TBCK: variants seen among roughly 807,000 people sequenced by gnomAD.
The protein encoded by TBCK is TBC1 domain containing kinase, also known as TBC domain-containing protein kinase-like protein.
TBCK carries 99 observed loss-of-function variants against 113.4 expected under a neutral mutation model. That is an observed-to-expected ratio of 0.87 (90% CI 0.74 to 1.03). The LOEUF is 1.03. Among genes scored for constraint, TBCK ranks in the 50% least tolerant of loss-of-function variants. The pLI is 0.00. For synonymous variants in TBCK, 369 were observed against 370.8 expected (o/e 1.00, Z 0.05); for missense variants, 1,045 against 1,061.3 (o/e 0.98, Z 0.21).
intron 22 of TBCK, among the ~76,000 whole-genome samples, chr4:106,186,299 A>T (rs1753016996): frequency 6.6e-6 from 1 of 152,108 alleles, no homozygotes. Flanking sequence ...GTTCTTTCAG[A>T]AATCTCCAGA....
chr4:106,100,325 A>G (rs1428132551), intron 24 of TBCK, among the ~76,000 whole-genome samples: 1 of 152,142 alleles, frequency 6.6e-6, no homozygotes, highest in African/African-American at 2.4e-5. Flanking sequence ...ACCTGGAGTA[A>G]CTAGTATCGG....
intron 8 of TBCK, 96 bp from the exon 9 acceptor site, chr4:106,248,402 T>C: frequency 1.1e-6 from 1 of 894,602 alleles, no homozygotes; most frequent in African/African-American, 1.7e-5. Context: ...TTTGATGTTT[T>C]TAAAGTTTTT....
intron 2 of TBCK, among the ~76,000 whole-genome samples, chr4:106,305,266 CAA>C (rs1331767896): frequency 1.3e-5 from 2 of 151,738 alleles, no homozygotes; most frequent in East Asian, 1.9e-4. Context: ...TGTAATTAAT[CAA>C]GAGACATAAA....
chr4:106,160,600 A>C (rs1487556527), intron 23 of TBCK, among the ~76,000 whole-genome samples: 1 of 152,008 alleles, frequency 6.6e-6, no homozygotes, highest in Non-Finnish European at 1.5e-5. Context: ...AAAAGAAAAA[A>C]AATCAAAATA....
chr4:106,155,144 A>ATT (rs1435357710), intron 23 of TBCK, among the ~76,000 whole-genome samples: 4 of 144,040 alleles, frequency 2.8e-5, no homozygotes, highest in African/African-American at 1.1e-4. Context: ...TCTAGGGTAA[A>ATT]ATTTTTTTTT....
intron 2 of TBCK, among the ~76,000 whole-genome samples, chr4:106,298,904 C>T (rs943269402): frequency 1.3e-5 from 2 of 152,122 alleles, no homozygotes; most frequent in East Asian, 1.9e-4. Flanking sequence ...GAATCAGATT[C>T]GGTACAATCC....
intron 23 of TBCK, among the ~76,000 whole-genome samples, chr4:106,145,637 A>G (rs1047003571): frequency 2.6e-5 from 4 of 152,216 alleles, no homozygotes; most frequent in African/African-American, 9.6e-5. Context: ...CTAGAAGAAG[A>G]TAATGTATGT....
intron 23 of TBCK, among the ~76,000 whole-genome samples, chr4:106,158,846 G>A (rs377025770): frequency 5.0e-4 from 76 of 152,038 alleles, no homozygotes; most frequent in African/African-American, 1.7e-3. Context: ...CTGCAAAAAC[G>A]GAATACTAAA....
chr4:106,158,668 C>T (rs375246081), intron 23 of TBCK, among the ~76,000 whole-genome samples: 2 of 152,022 alleles, frequency 1.3e-5, no homozygotes, highest in East Asian at 3.9e-4. Flanking sequence ...AAAAAATCTC[C>T]TAAGAAAGAA....
intron 25 of TBCK, among the ~76,000 whole-genome samples, chr4:106,056,760 T>C (rs1441176704): frequency 1.3e-5 from 2 of 150,732 alleles, no homozygotes; most frequent in Non-Finnish European, 2.9e-5. Context: ...ACTAGGGTTA[T>C]TGTCCTTAAG....
intron 2 of TBCK, among the ~76,000 whole-genome samples, chr4:106,300,323 A>G (rs1400671350): frequency 6.6e-6 from 1 of 152,214 alleles, no homozygotes; most frequent in African/African-American, 2.4e-5. Context: ...GAAACTGAAG[A>G]GAACACACAT....
intron 23 of TBCK, among the ~76,000 whole-genome samples, chr4:106,167,985 A>G (rs1314184565): frequency 2.6e-5 from 4 of 151,864 alleles, no homozygotes; most frequent in East Asian, 1.9e-4. Flanking sequence ...AGCAAAACGA[A>G]TATGTCCTAA....
chr4:106,127,463 T>C (rs1042270684), intron 23 of TBCK, among the ~76,000 whole-genome samples: 3 of 152,138 alleles, frequency 2.0e-5, no homozygotes, highest in Non-Finnish European at 2.9e-5. Flanking sequence ...ATATTCTTTT[T>C]CTTTCTCATT....
Position 106,231,717 on chromosome 4 carries a change from A to G in TBCK, c.1690+12T>C. On this transcript the variant is annotated intron_variant, in intron 18 of 25. Coordinates refer to ENST00000394708, the MANE Select transcript of TBCK (RefSeq NM_001163435.3). ...TATGCGCAATGATTATTTAAATGTT[A>G]AAGAGGCTTACCTTCATTATTGAAG... 6.2e-7 allele frequency: 1 copy of G among 1,601,552 alleles called. No homozygotes were observed. Among genetic ancestry groups the G allele is most frequent in the Non-Finnish European group, 8.5e-7 (1 of 1,173,214 alleles).
intron 3 of TBCK, among the ~76,000 whole-genome samples, chr4:106,269,270 G>T (rs1200264980): frequency 6.6e-6 from 1 of 152,098 alleles, no homozygotes; most frequent in Non-Finnish European, 1.5e-5. Context: ...TATCTTCAAA[G>T]AAACTTTCCT....
At chr4:106,097,482 C>T (rs913817948) in intron 24 of TBCK, among the ~76,000 whole-genome samples, 1 of 152,080 alleles carries the variant, frequency 6.6e-6, no homozygotes, top group African/African-American at 2.4e-5. Context: ...TACTGGAAAA[C>T]AGCAGAGGAG....
intron 3 of TBCK, among the ~76,000 whole-genome samples, chr4:106,262,680 T>C (rs1762617232): frequency 1.3e-5 from 2 of 152,062 alleles, no homozygotes; most frequent in South Asian, 4.1e-4. Context: ...ATTCAACCTA[T>C]AAAGCAATCT....
At chr4:106,157,275 C>G (rs1410488256) in intron 23 of TBCK, among the ~76,000 whole-genome samples, 4 of 152,050 alleles carry the variant, frequency 2.6e-5, no homozygotes, top group African/African-American at 9.7e-5. Flanking sequence ...AAGAAGGTGT[C>G]TTTTTTGGAG....
intron 10 of TBCK, among the ~76,000 whole-genome samples, chr4:106,245,509 T>A (rs1760697779): frequency 1.3e-5 from 2 of 152,108 alleles, no homozygotes; most frequent in Admixed American, 1.3e-4. Flanking sequence ...TAGGTCTCAA[T>A]CTTTAAGTGA....
Sources: allele counts gnomAD v4.1 joint callset (sites outside exome capture counted in the v4.1 genomes callset), GRCh38; gene constraint gnomAD v4.1.1; transcripts MANE v1.5; gene names NCBI Gene and HGNC (gene_info 2026-07-23, HGNC 2026-07-21).